SPTA1: variants seen among roughly 807,000 people sequenced by gnomAD.
SPTA1 encodes spectrin alpha chain, erythrocytic 1.
Under a neutral mutation model 324.7 loss-of-function variants are expected in SPTA1, and 177 were observed. The observed-to-expected ratio is 0.55, with a 90% CI of 0.48 to 0.62. SPTA1 has a LOEUF of 0.62. Among genes scored for constraint, SPTA1 ranks in the 20% least tolerant of loss-of-function variants. The pLI is 0.00. For missense variants in SPTA1, 3,162 were observed against 2,883.6 expected, an observed-to-expected ratio of 1.10 and a Z score of -2.21; for synonymous variants, 1,195 against 1,041.3, an observed-to-expected ratio of 1.15 and a Z score of -2.84.
rs1290835563 is a variant in SPTA1, at chr1:158,685,118, G to A, written c.254C>T (p.Thr85Ile). The A allele has an allele frequency of 2.8e-5, 45 of 1,613,518 alleles. No individual in the cohort carries two copies. The highest frequency in any genetic ancestry group is 3.6e-5 in the Non-Finnish European group (43 of 1,179,740). ...ILTDKSYEDPTNIQGKYQKHQ... is the reference protein window; with the variant it reads ...ILTDKSYEDPINIQGKYQKHQ... ...AGAGAACTGAGTGACCTGTATATTAGTTGGGTCTTCATAGCTCTTATCGGT... is the reference window on the plus strand; with the variant it reads ...AGAGAACTGAGTGACCTGTATATTAATTGGGTCTTCATAGCTCTTATCGGT... Residue 85 changes from threonine (T) to isoleucine (I), a missense_variant, in exon 2 of 52, where the codon ACT becomes ATT. Coordinates refer to ENST00000643759, the MANE Select transcript of SPTA1 (RefSeq NM_003126.4).
intron 4 of SPTA1, 56 bp from the exon 5 acceptor site, chr1:158,680,785 T>C (rs558390038): frequency 4.4e-6 from 7 of 1,605,384 alleles, no homozygotes; most frequent in Non-Finnish European, 5.9e-6. Flanking sequence ...TTTCTGTAGG[T>C]CAAAAACTCA....
At chr1:158,665,512 T>C (rs1653530322) in intron 16 of SPTA1, among the ~76,000 whole-genome samples, 1 of 152,144 alleles carries the variant, frequency 6.6e-6, no homozygotes, top group South Asian at 2.1e-4. Flanking sequence ...GGATGAGAAA[T>C]TGAATGGGCT....
intron 20 of SPTA1, among the ~76,000 whole-genome samples, chr1:158,655,861 AATTGC>A (rs1652790675): frequency 6.6e-6 from 1 of 152,162 alleles, no homozygotes; most frequent in Non-Finnish European, 1.5e-5. Context: ...ATTCTTAACC[AATTGC>A]ATTTTCCACA....
intron 5 of SPTA1, among the ~76,000 whole-genome samples, chr1:158,680,164 C>T (rs753603496): frequency 8.5e-5 from 13 of 152,066 alleles, no homozygotes; most frequent in Non-Finnish European, 1.9e-4. Context: ...AATGATATTA[C>T]ATATGCATAT....
chr1:158,683,004 A>T (rs1654916994), intron 3 of SPTA1, among the ~76,000 whole-genome samples: 1 of 152,154 alleles, frequency 6.6e-6, no homozygotes, highest in Non-Finnish European at 1.5e-5. Flanking sequence ...AGCATTCCTT[A>T]TTTGGAGAAG....
At chr1:158,627,877 A>G (rs1650384338) in intron 39 of SPTA1, among the ~76,000 whole-genome samples, 154 bp from the exon 40 acceptor site, 1 of 152,166 alleles carries the variant, frequency 6.6e-6, no homozygotes, top group African/African-American at 2.4e-5. Flanking sequence ...AACTATACTC[A>G]ATTGCTTTCT....
chr1:158,654,800 G>A, intron 20 of SPTA1, 52 bp from the exon 21 acceptor site: 1 of 1,608,344 alleles, frequency 6.2e-7, no homozygotes, highest in African/African-American at 1.3e-5. Context: ...ATATCTCCCT[G>A]TACAGCTTAC....
chr1:158,673,158 G>C (rs1654146707), intron 10 of SPTA1, among the ~76,000 whole-genome samples: 1 of 151,760 alleles, frequency 6.6e-6, no homozygotes, highest in Admixed American at 6.6e-5. Context: ...CAGAATCCCA[G>C]GATAACTGTT....
At chr1:158,621,933 G>T (rs187490081) in intron 43 of SPTA1, among the ~76,000 whole-genome samples, 39 of 152,270 alleles carry the variant, frequency 2.6e-4, no homozygotes, top group Non-Finnish European at 1.0e-4. Context: ...GCCGCGATCT[G>T]GGCTCACTGC....
At position 158,623,275 on chromosome 1, in the gene SPTA1, T is replaced by C. The variant is rs150957924; in HGVS notation, c.5911-83A>G. 785 of 1,117,356 alleles carry C rather than the reference T, an allele frequency of 7.0e-4. 15 individuals are homozygous for C. The East Asian group carries it at 0.017, about 25-fold the overall frequency. 69.2% of individuals were successfully genotyped at this position (1,117,356 alleles called of 1,614,324 possible). A position where few individuals can be genotyped will look rare whatever the true frequency, so the allele number is the denominator to read the frequency against. ...TCTGGGTTCCACCAGATTTTAATCATAGATAAGGCTAGGCAAGAATTAAGA... is the reference window on the plus strand; with the variant it reads ...TCTGGGTTCCACCAGATTTTAATCACAGATAAGGCTAGGCAAGAATTAAGA... On this transcript the variant is annotated intron_variant, in intron 42 of 51. Coordinates refer to ENST00000643759, the MANE Select transcript of SPTA1 (RefSeq NM_003126.4).
Position 158,685,184 on chromosome 1 carries a change from T to A in SPTA1, c.188A>T (p.Asp63Val), listed in dbSNP as rs2101958128. Residue 63 changes from aspartate (D) to valine (V), a missense_variant, in exon 2 of 52, where the codon GAT becomes GTT. Transcript: ENST00000643759. ...YHLQVFKRDA[D>V]DLGKWIMEKV... Reference sequence around the variant, plus strand: ...CTCCATGATCCACTTCCCCAGATCATCTGCATCTCGCTTGAAAACTTGTAA... The same window carrying A: ...CTCCATGATCCACTTCCCCAGATCAACTGCATCTCGCTTGAAAACTTGTAA... 1 of 1,613,766 alleles carries A rather than the reference T, an allele frequency of 6.2e-7. No individual in the cohort carries two copies. The highest frequency in any genetic ancestry group is 8.5e-7 in the Non-Finnish European group (1 of 1,179,824).
At chr1:158,672,004 C>A in intron 11 of SPTA1, 55 bp downstream of exon 11, 1 of 1,608,872 alleles carries the variant, frequency 6.2e-7, no homozygotes, top group Non-Finnish European at 8.5e-7. Flanking sequence ...GTCATGGTGG[C>A]AAATGAAGGG....
In SPTA1 at chr1:158,686,500, C is replaced by T. The variant is rs1655189644; in HGVS notation, c.18G>A (p.Lys6=). Residue 6 remains lysine, a synonymous_variant, in exon 1 of 52, where the codon AAG becomes AAA. Transcript: ENST00000643759. MEQFP[K]ETVVESSGPK... ...AAGAGAAATATGTACTTACGGTTTCCTTTGGAAATTGCTCCATTTTTCCTA... is the reference window on the plus strand; with the variant it reads ...AAGAGAAATATGTACTTACGGTTTCTTTTGGAAATTGCTCCATTTTTCCTA... The T allele has an allele frequency of 1.3e-6, 2 of 1,591,996 alleles. No individual in the cohort carries two copies. Among genetic ancestry groups the T allele is most frequent in the Non-Finnish European group, 1.7e-6 (2 of 1,160,820 alleles).
chr1:158,683,321 T>C (rs775525837), intron 3 of SPTA1, 50 bp downstream of exon 3: 28 of 1,611,672 alleles, frequency 1.7e-5, no homozygotes, highest in Non-Finnish European at 2.4e-5. Flanking sequence ...GTTAAAACCC[T>C]GATAACATAA....
intron 39 of SPTA1, among the ~76,000 whole-genome samples, chr1:158,629,993 T>C (rs1370962466): frequency 6.6e-6 from 1 of 151,718 alleles, no homozygotes; most frequent in Non-Finnish European, 1.5e-5. Context: ...TAAAAGAAAT[T>C]AAAGAAGCCA....
Position 158,643,431 on chromosome 1 carries a change from TAA to T in SPTA1, c.4339-8_4339-7del. On this transcript the variant is annotated splice_polypyrimidine_tract_variant and splice_region_variant and intron_variant, in intron 30 of 51. Coordinates refer to ENST00000643759, the MANE Select transcript of SPTA1 (RefSeq NM_003126.4). ...AGGTCAGTGATCTTCCCTTCCTAAA[TAA>T]AGGAAAAGGAAAGAGCCCAGATGCT... 1.2e-6 allele frequency: 2 copies of T among 1,613,054 alleles called. No individual in the cohort carries two copies. The highest frequency in any genetic ancestry group is 1.7e-6 in the Non-Finnish European group (2 of 1,179,698).
chr1:158,624,236 C>T (rs1436405789), intron 42 of SPTA1, among the ~76,000 whole-genome samples: 1 of 152,194 alleles, frequency 6.6e-6, no homozygotes, highest in Non-Finnish European at 1.5e-5. Context: ...CACTGGGGTA[C>T]TGCCTAGTGT....
At chr1:158,643,219 T>C in intron 31 of SPTA1, 103 bp downstream of exon 31, 1 of 1,396,422 alleles carries the variant, frequency 7.2e-7, no homozygotes, top group Non-Finnish European at 1.0e-6. Context: ...TTTAGTCACC[T>C]AGAAATGACA....
At chr1:158,631,155 T>C (rs1171352627) in intron 39 of SPTA1, among the ~76,000 whole-genome samples, 1 of 152,202 alleles carries the variant, frequency 6.6e-6, no homozygotes, top group Non-Finnish European at 1.5e-5. Context: ...AAAAGACACA[T>C]GCATACTTGT....
Sources: gnomAD v4.1 joint callset for allele counts (sites outside exome capture counted in the v4.1 genomes callset) on GRCh38, gnomAD v4.1.1 for gene constraint, MANE v1.5 for transcripts, NCBI Gene and HGNC (gene_info 2026-07-23, HGNC 2026-07-21) for gene names.